Variants in RNF8 observed in about 807,000 individuals in gnomAD.
RNF8 encodes the protein E3 ubiquitin-protein ligase RNF8.
RNF8 carries 8 observed loss-of-function variants against 59.3 expected under a neutral mutation model. The ratio of observed to expected loss-of-function variants is 0.13; its 90% CI spans 0.08 to 0.24. The LOEUF (loss-of-function observed/expected upper bound fraction) is 0.24, where lower values mean the gene tolerates loss of function less well. RNF8 is among the 10% of genes least tolerant of loss of function. The pLI is 1.00. For synonymous variants in RNF8, 162 were observed against 200.0 expected (o/e 0.81, Z 1.60); for missense variants, 406 against 572.6 (o/e 0.71, Z 2.97).
chr6:37,380,769 A>G (rs906702967), intron 6 of RNF8, among the ~76,000 whole-genome samples: 18 of 151,610 alleles, frequency 1.2e-4, no homozygotes, highest in East Asian at 2.0e-4. Flanking sequence ...TGCAACCTCC[A>G]TCTCCTGGGT....
At chr6:37,385,494 G>A (rs1460481839) in intron 7 of RNF8, among the ~76,000 whole-genome samples, 1 of 151,768 alleles carries the variant, frequency 6.6e-6, no homozygotes, top group Non-Finnish European at 1.5e-5. Context: ...GGGCGTGGTG[G>A]TGCACACCTG....
Position 37,376,357 on chromosome 6 carries a change from C to T in RNF8, c.1129-569C>T, listed in dbSNP as rs568333252. Among the ~76,000 whole-genome samples the T allele has an allele frequency of 2.6e-5, 4 of 152,278 alleles. No individual in the cohort carries two copies. In the East Asian group the frequency reaches 7.7e-4, roughly 29 times the overall value. On this transcript the variant is annotated intron_variant, in intron 5 of 7. Coordinates refer to ENST00000373479, the MANE Select transcript of RNF8 (RefSeq NM_003958.4). Reference sequence around the variant, plus strand: ...TGAAAAAGTGGTGTTTTAGTCCATTCAGGCTACTACAAAAAAGACCCATAA... The same window carrying T: ...TGAAAAAGTGGTGTTTTAGTCCATTTAGGCTACTACAAAAAAGACCCATAA...
intron 3 of RNF8, 133 bp from the exon 4 acceptor site, chr6:37,371,378 AT>A: frequency 3.1e-6 from 2 of 648,976 alleles, no homozygotes. Context: ...AAAACAGGAG[AT>A]TTTCCACCTG....
intron 3 of RNF8, 34 bp from the exon 4 acceptor site, chr6:37,371,463 TTTTTCTTTTCCCTGC>T: frequency 6.4e-7 from 1 of 1,550,468 alleles, no homozygotes; most frequent in Non-Finnish European, 8.9e-7. Flanking sequence ...TGTGTTCCTT[TTTTTCTTTTCCCTGC>T]AGAGAAACCT....
rs1562081010 is a variant in RNF8 at position 37,354,134 on chromosome 6, G to C, written c.-31G>C. On this transcript the variant is annotated 5_prime_UTR_variant, in exon 1 of 8. Coordinates refer to ENST00000373479, the MANE Select transcript of RNF8 (RefSeq NM_003958.4). ...CAGAACCTAGGTCAGGGTCTCGCTC[G>C]GTGCTGACCGCCCCCGGGGTCGAGT... The C allele has an allele frequency of 6.5e-7, 1 of 1,548,500 alleles. No individual in the cohort carries two copies. Among genetic ancestry groups the C allele is most frequent in the Non-Finnish European group, 8.7e-7 (1 of 1,142,998 alleles).
chr6:37,381,841 G>T (rs969735835), intron 7 of RNF8, among the ~76,000 whole-genome samples: 2 of 152,320 alleles, frequency 1.3e-5, no homozygotes, highest in East Asian at 1.9e-4. Context: ...GAGGCAGCAG[G>T]CTTGTCACAG....
chr6:37,359,508 G>T (rs1769237886), intron 1 of RNF8, among the ~76,000 whole-genome samples: 1 of 152,212 alleles, frequency 6.6e-6, no homozygotes. Context: ...TAAAAATTCA[G>T]AAAGGTCTTG....
chr6:37,387,135 G>A (rs1404535566), intron 7 of RNF8, among the ~76,000 whole-genome samples: 1 of 152,144 alleles, frequency 6.6e-6, no homozygotes, highest in African/African-American at 2.4e-5. Flanking sequence ...CATAGAGAAT[G>A]GCTGATTATA....
chr6:37,360,571 C>A lies in RNF8; in HGVS notation c.237C>A (p.Asn79Lys). ...NPEGQWTIMD[N>K]KSLNGVWLNR... ...AGGGCCAATGGACAATTATGGACAA[C>A]AAGGTACAGGAATTCACAGAAGCCT... Residue 79 changes from asparagine (N) to lysine (K), a missense_variant, in exon 2 of 8, where the codon AAC becomes AAA. Transcript: ENST00000373479. The surrounding 1 kb of genome is among the most constrained non-coding windows in gnomAD (Gnocchi z 4.2). The A allele has an allele frequency of 1.2e-6, 2 of 1,612,134 alleles. No homozygotes were observed. Among genetic ancestry groups the A allele is most frequent in the Non-Finnish European group, 8.5e-7 (1 of 1,178,916 alleles).
At position 37,379,668 on chromosome 6, in the gene RNF8, G is replaced by T. The variant is rs190965767; in HGVS notation, c.1237-1482G>T. ...ACTTAGATATTCAGGCGTTGTCAACGAACCCACTACATTTTTACTTTTTTA... is the reference window on the plus strand; with the variant it reads ...ACTTAGATATTCAGGCGTTGTCAACTAACCCACTACATTTTTACTTTTTTA... On this transcript the variant is annotated intron_variant, in intron 6 of 7. Transcript: ENST00000373479. Among the ~76,000 whole-genome samples, 23 of 152,226 alleles carry T rather than the reference G, an allele frequency of 1.5e-4. No homozygotes were observed. The East Asian group carries it at 4.4e-3, about 29-fold the overall frequency.
rs747191771 is a variant in RNF8 at position 37,368,887 on chromosome 6, C to T, written c.644C>T (p.Thr215Ile). 8 of 1,614,176 alleles carry T rather than the reference C, an allele frequency of 5.0e-6. No homozygotes were observed. The Admixed American group carries it at 1.3e-4, about 27-fold the overall frequency. ...TTGACTGCCCTTGAGCCAAGTAAGACCACAGGGGCTCCCATTTACCCTGGC... is the reference window on the plus strand; with the variant it reads ...TTGACTGCCCTTGAGCCAAGTAAGATCACAGGGGCTCCCATTTACCCTGGC... The part of the protein sequence containing the change: ...PKLTALEPSK[T>I]TGAPIYPGFP... Residue 215 changes from threonine to isoleucine, a missense_variant, in exon 3 of 8, where the codon ACC becomes ATC. This residue lies in a region of RNF8 where 285 missense variants were observed against 342.0 expected (regional missense o/e 0.83). Transcript: ENST00000373479.
rs146675416 is a variant in RNF8 at position 37,368,523 on chromosome 6, C to T, written c.280C>T (p.Pro94Ser). 3 of 1,614,114 alleles carry T rather than the reference C, an allele frequency of 1.9e-6. No individual in the cohort carries two copies. Among genetic ancestry groups the T allele is most frequent in the Admixed American group, 1.7e-5 (1 of 60,008 alleles). The change falls in exon 3 of 8, where the codon CCT becomes TCT. Residue 94 changes from proline to serine, a missense_variant. Pro to Ser is a moderately conservative substitution (Grantham distance 74, BLOSUM62 -1). Around this residue, in one of 3 missense-constraint regions of RNF8, gnomAD observed 285 missense variants for 342.0 expected, o/e 0.83. Coordinates refer to ENST00000373479, the MANE Select transcript of RNF8 (RefSeq NM_003958.4). The part of the protein sequence containing the change: ...GVWLNRARLE[P>S]LRVYSIHQGD... ...TTGGCTGAACAGAGCGCGTCTGGAA[C>T]CTTTAAGGGTCTATTCCATTCATCA...
Position 37,354,097 on chromosome 6 carries a change from C to A in RNF8, c.-68C>A. 7.8e-7 allele frequency: 1 copy of A among 1,289,036 alleles called. No homozygotes were observed. Among genetic ancestry groups the A allele is most frequent in the Non-Finnish European group, 1.1e-6 (1 of 908,224 alleles). 79.8% of individuals were successfully genotyped at this position (1,289,036 alleles called of 1,614,324 possible). On this transcript the variant is annotated 5_prime_UTR_variant, in exon 1 of 8. Coordinates refer to ENST00000373479, the MANE Select transcript of RNF8 (RefSeq NM_003958.4). Reference sequence around the variant, plus strand: ...TTTAGATATGGAAGCTGAGGGGATGCACAGAGGCAGCCAGAACCTAGGTCA... The same window carrying A: ...TTTAGATATGGAAGCTGAGGGGATGAACAGAGGCAGCCAGAACCTAGGTCA...
At chr6:37,376,192 T>C (rs1362232899) in intron 5 of RNF8, among the ~76,000 whole-genome samples, 4 of 152,246 alleles carry the variant, frequency 2.6e-5, no homozygotes, top group Admixed American at 6.5e-5. Flanking sequence ...GATAATCTTA[T>C]GTAATGTCTG....
At chr6:37,361,199 C>T in intron 2 of RNF8, 1 of 454,024 alleles carries the variant, frequency 2.2e-6, no homozygotes. Flanking sequence ...GGTGTGGTGG[C>T]ACATGCCTGT....
chr6:37,390,691 A>G (rs1196189879), intron 7 of RNF8, 51 bp from the exon 8 acceptor site: 6 of 1,415,674 alleles, frequency 4.2e-6, no homozygotes, highest in Non-Finnish European at 6.0e-6. Context: ...GAGTCCACGG[A>G]AGGGAAATAC....
At chr6:37,370,566 G>A (rs114993234) in intron 3 of RNF8, among the ~76,000 whole-genome samples, 2,492 of 152,216 alleles carry the variant, frequency 0.016, 35 homozygotes, top group South Asian at 0.028. Flanking sequence ...AGTTGGTTGT[G>A]TATATGATGC....
intron 1 of RNF8, among the ~76,000 whole-genome samples, chr6:37,355,398 A>C (rs1769075021): frequency 6.6e-6 from 1 of 152,218 alleles, no homozygotes; most frequent in Non-Finnish European, 1.5e-5. Flanking sequence ...TCAGTCTGCC[A>C]GGTATTTACT....
At chr6:37,361,779 C>T (rs970243955) in intron 2 of RNF8, among the ~76,000 whole-genome samples, 1 of 152,174 alleles carries the variant, frequency 6.6e-6, no homozygotes, top group African/African-American at 2.4e-5. Context: ...GTTGAGTTGG[C>T]ACTGTATTGA....
Sources: gnomAD v4.1 joint callset for allele counts (sites outside exome capture counted in the v4.1 genomes callset) on GRCh38, gnomAD v4.1.1 for gene constraint, gnomAD v4.1.1 regional missense constraint, Gnocchi (gnomAD v3.1) non-coding constraint, MANE v1.5 for transcripts, NCBI Gene and HGNC (gene_info 2026-07-23, HGNC 2026-07-21) for gene names.